The following PMFBP1 variants were observed in gnomAD, a reference collection of about 807,000 sequenced individuals.
PMFBP1 encodes the protein polyamine-modulated factor 1-binding protein 1.
In PMFBP1, 131 loss-of-function variants were observed where a neutral mutation model predicts 137.8. The observed-to-expected ratio is 0.95, with a 90% CI of 0.82 to 1.10. The LOEUF (loss-of-function observed/expected upper bound fraction) is 1.10, where lower values mean the gene tolerates loss of function less well. PMFBP1 is among the 50% of genes least tolerant of loss of function. PMFBP1 has a pLI of 0.00. For missense variants in PMFBP1, 1,199 were observed against 1,175.4 expected, an observed-to-expected ratio of 1.02 and a Z score of -0.29; for synonymous variants, 490 against 450.4, an observed-to-expected ratio of 1.09 and a Z score of -1.11.
chr16:72,123,538 A>T lies in PMFBP1; in HGVS notation c.2693+8T>A. On this transcript the variant is annotated splice_region_variant and intron_variant, in intron 18 of 20. Coordinates refer to ENST00000237353, the MANE Select transcript of PMFBP1 (RefSeq NM_031293.3). The stretch of plus-strand genomic sequence containing the variant: ...GGACCCTGCCTCCCTTTTTCCTCCC[A>T]TACTCACTTCTGCTGTTTTGCCCAT... 1 of 1,613,216 alleles carries T rather than the reference A, an allele frequency of 6.2e-7. No homozygotes were observed. Among genetic ancestry groups the T allele is most frequent in the Non-Finnish European group, 8.5e-7 (1 of 1,179,538 alleles).
chr16:72,121,680 A>G (rs1404776287), intron 19 of PMFBP1, among the ~76,000 whole-genome samples: 2 of 152,182 alleles, frequency 1.3e-5, no homozygotes, highest in Non-Finnish European at 2.9e-5. Flanking sequence ...GCCAGAGTGC[A>G]GTGGTGTGAA....
At chr16:72,134,722 G>C (rs963055386) in intron 9 of PMFBP1, among the ~76,000 whole-genome samples, 1 of 152,104 alleles carries the variant, frequency 6.6e-6, no homozygotes, top group Non-Finnish European at 1.5e-5. Flanking sequence ...CCTCTGCCTG[G>C]AATATTCTTC....
At chr16:72,128,873 C>T in intron 13 of PMFBP1, 79 bp from the exon 14 acceptor site, 1 of 1,580,256 alleles carries the variant, frequency 6.3e-7, no homozygotes, top group Non-Finnish European at 8.6e-7. Context: ...TCCACCCTCC[C>T]TCTCACCCAG....
the PMFBP1 span, among the ~76,000 whole-genome samples, chr16:72,195,401 C>T: frequency 6.6e-6 from 1 of 152,228 alleles, no homozygotes; most frequent in Middle Eastern, 3.4e-3. Context: ...CTCCCTTTAT[C>T]TTTCACTGAA....
At chr16:72,142,420 A>T (rs567463312) in intron 5 of PMFBP1, among the ~76,000 whole-genome samples, 1 of 152,258 alleles carries the variant, frequency 6.6e-6, no homozygotes, top group African/African-American at 2.4e-5. Flanking sequence ...AAGCCTAAAA[A>T]CCTCCAGTGT....
chr16:72,227,923 G>C, the PMFBP1 span, among the ~76,000 whole-genome samples: 1 of 152,058 alleles, frequency 6.6e-6, no homozygotes, highest in African/African-American at 2.4e-5. Context: ...CTTATTATTG[G>C]ACATTTAGGT....
At chr16:72,129,042 C>G in intron 13 of PMFBP1, 24 bp downstream of exon 13, 1 of 1,609,758 alleles carries the variant, frequency 6.2e-7, no homozygotes, top group South Asian at 1.1e-5. Context: ...CCTGACCCAG[C>G]TCTCCTGGGA....
chr16:72,208,642 T>C, the PMFBP1 span, among the ~76,000 whole-genome samples: 1 of 152,234 alleles, frequency 6.6e-6, no homozygotes, highest in African/African-American at 2.4e-5. Context: ...TGGATAAAGA[T>C]GCATGCCACT....
the PMFBP1 span, among the ~76,000 whole-genome samples, chr16:72,218,970 G>A: frequency 1.3e-5 from 2 of 152,068 alleles, no homozygotes; most frequent in Admixed American, 6.6e-5. Context: ...CCCTCATCAT[G>A]TACTGTGGAT....
chr16:72,188,763 C>A, the PMFBP1 span, among the ~76,000 whole-genome samples: 1 of 152,044 alleles, frequency 6.6e-6, no homozygotes, highest in East Asian at 1.9e-4. Context: ...ATTACCTCAA[C>A]CCCACCCCCG....
At chr16:72,152,561 G>A (rs1597481669) in intron 4 of PMFBP1, among the ~76,000 whole-genome samples, 2 of 152,188 alleles carry the variant, frequency 1.3e-5, no homozygotes, top group Admixed American at 6.5e-5. Context: ...GAACAAGGAT[G>A]TGGCCTGGTA....
intron 5 of PMFBP1, among the ~76,000 whole-genome samples, chr16:72,146,683 A>G (rs1034849829): frequency 6.6e-6 from 1 of 152,218 alleles, no homozygotes; most frequent in Non-Finnish European, 1.5e-5. Flanking sequence ...AAGTCTCAGG[A>G]TACAAAATCA....
chr16:72,168,230 T>A (rs527635454), intron 2 of PMFBP1, among the ~76,000 whole-genome samples: 2 of 152,296 alleles, frequency 1.3e-5, no homozygotes, highest in South Asian at 2.1e-4. Context: ...AAGACCAAAT[T>A]ATAAAGAGGT....
At chr16:72,243,900 C>T in the PMFBP1 span, among the ~76,000 whole-genome samples, 3 of 152,250 alleles carry the variant, frequency 2.0e-5, no homozygotes, top group South Asian at 4.2e-4. Flanking sequence ...CTGACCTGCA[C>T]GAGAGTTTTC....
chr16:72,146,991 A>G (rs537418199), intron 5 of PMFBP1, among the ~76,000 whole-genome samples: 1 of 152,332 alleles, frequency 6.6e-6, no homozygotes, highest in East Asian at 1.9e-4. Flanking sequence ...TAAAGCTACC[A>G]CTGAGTTTCT....
At chr16:72,189,841 G>A in the PMFBP1 span, among the ~76,000 whole-genome samples, 1 of 152,130 alleles carries the variant, frequency 6.6e-6, no homozygotes, top group African/African-American at 2.4e-5. Flanking sequence ...TGGATAATTT[G>A]GTGGGTAGGA....
chr16:72,148,061 C>G (rs2042839753), intron 5 of PMFBP1, among the ~76,000 whole-genome samples: 1 of 152,104 alleles, frequency 6.6e-6, no homozygotes, highest in Non-Finnish European at 1.5e-5. Context: ...ATTATAAAGA[C>G]ACAGGCACAC....
chr16:72,124,998 A>G (rs956190390), intron 16 of PMFBP1, 64 bp from the exon 17 acceptor site: 9 of 1,581,172 alleles, frequency 5.7e-6, no homozygotes, highest in African/African-American at 2.7e-5. Context: ...AGGACCCACA[A>G]GGCCAGAGGG....
chr16:72,162,199 A>G (rs559618177), intron 3 of PMFBP1, among the ~76,000 whole-genome samples: 2 of 152,138 alleles, frequency 1.3e-5, no homozygotes, highest in South Asian at 2.1e-4. Context: ...TGAGGTGCAA[A>G]TTTTAAGGAG....
Sources: allele counts gnomAD v4.1 joint callset (sites outside exome capture counted in the v4.1 genomes callset), GRCh38; gene constraint gnomAD v4.1.1; transcripts MANE v1.5; gene names NCBI Gene and HGNC (gene_info 2026-07-23, HGNC 2026-07-21).